Variants in DTNBP1 observed in about 807,000 individuals in gnomAD.
DTNBP1 encodes the protein dysbindin.
A neutral mutation model predicts 42.8 loss-of-function variants in DTNBP1; 35 were observed. That is an observed-to-expected ratio of 0.82 (90% confidence interval 0.63 to 1.09). DTNBP1 has a LOEUF of 1.09. Ranked by LOEUF, DTNBP1 falls within the 50% of genes least tolerant of loss-of-function variation. DTNBP1 has a pLI of 0.00. For synonymous variants in DTNBP1, 171 were observed against 162.2 expected (o/e 1.05, Z -0.41); for missense variants, 457 against 424.2 (o/e 1.08, Z -0.68).
intron 6 of DTNBP1, among the ~76,000 whole-genome samples, chr6:15,612,330 C>G (rs1272256864): frequency 3.3e-5 from 5 of 152,080 alleles, no homozygotes; most frequent in Non-Finnish European, 7.4e-5. Flanking sequence ...ACTGTATAAA[C>G]ATAATTTTTA....
chr6:15,635,035 T>A (rs1759928157), intron 4 of DTNBP1, among the ~76,000 whole-genome samples: 1 of 152,216 alleles, frequency 6.6e-6, no homozygotes, highest in Admixed American at 6.5e-5. Context: ...GACAACAGTT[T>A]GAAAAGTCTG....
rs76085230 is a variant in DTNBP1, at chr6:15,562,978, T to C, written c.512-29583A>G. On this transcript the variant is annotated intron_variant, in intron 7 of 9. Coordinates refer to ENST00000344537, the MANE Select transcript of DTNBP1 (RefSeq NM_032122.5). ...TGTTTCCATTGCTCATTAAAAGCCT[T>C]CCCTGAGACTACTGCTGTAGCAAGA... Among the ~76,000 whole-genome samples, 1,295 of 152,312 alleles carry C rather than the reference T, an allele frequency of 8.5e-3. 25 individuals are homozygous for C. The highest frequency in any genetic ancestry group is 0.029 in the African/African-American group (1,223 of 41,564).
At chr6:15,660,254 A>C (rs1036031808) in intron 1 of DTNBP1, 7 of 841,648 alleles carry the variant, frequency 8.3e-6, no homozygotes, top group Non-Finnish European at 1.7e-6. Context: ...TATAATAAAC[A>C]CATGTGTGCT....
chr6:15,592,995 G>C, intron 7 of DTNBP1, 64 bp downstream of exon 7: 1 of 1,418,664 alleles, frequency 7.0e-7, no homozygotes, highest in South Asian at 1.3e-5. Context: ...CATCATTGTC[G>C]AGAGAACATC....
chr6:15,588,989 G>C (rs1776190058), intron 7 of DTNBP1, among the ~76,000 whole-genome samples: 2 of 152,100 alleles, frequency 1.3e-5, no homozygotes, highest in African/African-American at 4.8e-5. Flanking sequence ...CAGTCCTTTA[G>C]CTCCCTGAGG....
chr6:15,553,408 A>T (rs938435695), intron 7 of DTNBP1, among the ~76,000 whole-genome samples: 2 of 151,842 alleles, frequency 1.3e-5, no homozygotes, highest in African/African-American at 4.8e-5. Flanking sequence ...TATTGTTTTA[A>T]ATTCAGATAA....
intron 6 of DTNBP1, among the ~76,000 whole-genome samples, chr6:15,614,112 C>G (rs1334309614): frequency 6.6e-6 from 1 of 152,152 alleles, no homozygotes; most frequent in Admixed American, 6.5e-5. Context: ...ACACATGACC[C>G]TGATTGAGAA....
intron 7 of DTNBP1, among the ~76,000 whole-genome samples, chr6:15,564,096 C>T (rs1290868581): frequency 6.6e-6 from 1 of 151,670 alleles, no homozygotes; most frequent in African/African-American, 2.4e-5. Flanking sequence ...ACTCTAGCCC[C>T]AAACTCCTCA....
intron 5 of DTNBP1, 108 bp from the exon 6 acceptor site, chr6:15,615,507 A>G (rs1430046195): frequency 1.4e-6 from 2 of 1,442,516 alleles, no homozygotes; most frequent in Non-Finnish European, 1.9e-6. Flanking sequence ...ATTGTTTTGC[A>G]TTTTTAATGT....
chr6:15,573,635 T>C lies in DTNBP1; in HGVS notation c.511+19424A>G, dbSNP rs971165627. On this transcript the variant is annotated intron_variant, in intron 7 of 9. Transcript: ENST00000344537. ...CTCAGCCTGGGCAACAAGAGCAAAG[T>C]CTGTCTCAGAAGAAAAAAAAAACAA... is the stretch of plus-strand genomic sequence containing the variant. 3.9e-5 allele frequency among the ~76,000 whole-genome samples: 6 copies of C among 152,070 alleles called. No individual in the cohort carries two copies. In the East Asian group the frequency reaches 1.2e-3, roughly 29 times the overall value.
chr6:15,526,510 G>C (rs1772406209), intron 8 of DTNBP1, among the ~76,000 whole-genome samples: 1 of 152,196 alleles, frequency 6.6e-6, no homozygotes, highest in Non-Finnish European at 1.5e-5. Flanking sequence ...TTGGGGAAAA[G>C]TATTATGGTT....
chr6:15,603,565 T>C (rs945865487), intron 6 of DTNBP1, among the ~76,000 whole-genome samples: 1 of 152,244 alleles, frequency 6.6e-6, no homozygotes. Context: ...AATCTTTGAT[T>C]AGATACCAGA....
intron 7 of DTNBP1, among the ~76,000 whole-genome samples, chr6:15,554,570 C>G (rs1299940612): frequency 6.6e-6 from 1 of 152,148 alleles, no homozygotes; most frequent in South Asian, 2.1e-4. Flanking sequence ...GGAAGCACAG[C>G]CTCAGGCCAG....
Position 15,637,737 on chromosome 6 carries a change from T to C in DTNBP1, c.222+7A>G. ...TGCCACGAGTATAAGATTAGTCAAT[T>C]CTTTACCTCTCCAGCACTTGCACAG... On this transcript the variant is annotated splice_region_variant and intron_variant, in intron 4 of 9. Transcript: ENST00000344537. 1.2e-6 allele frequency: 2 copies of C among 1,613,864 alleles called. No homozygotes were observed. The highest frequency in any genetic ancestry group is 1.7e-6 in the Non-Finnish European group (2 of 1,179,972).
At chr6:15,597,302 C>A (rs1776552866) in intron 6 of DTNBP1, among the ~76,000 whole-genome samples, 1 of 152,110 alleles carries the variant, frequency 6.6e-6, no homozygotes, top group African/African-American at 2.4e-5. Flanking sequence ...TAGGAAAGGC[C>A]TCCTGGAGAA....
Position 15,611,495 on chromosome 6 carries a change from T to C in DTNBP1, c.488+3772A>G, listed in dbSNP as rs547780075. Among the ~76,000 whole-genome samples, 3 of 152,328 alleles carry C rather than the reference T, an allele frequency of 2.0e-5. No homozygotes were observed. The East Asian group carries it at 5.8e-4, about 29-fold the overall frequency. On this transcript the variant is annotated intron_variant, in intron 6 of 9. Coordinates refer to ENST00000344537, the MANE Select transcript of DTNBP1 (RefSeq NM_032122.5). Reference sequence around the variant, plus strand: ...ATAAGGAGTCATTTCAACTTTCAAGTCTTATTATTTAAGAAATACAATTTG... The same window carrying C: ...ATAAGGAGTCATTTCAACTTTCAAGCCTTATTATTTAAGAAATACAATTTG...
At chr6:15,608,069 A>G (rs1758178895) in intron 6 of DTNBP1, among the ~76,000 whole-genome samples, 1 of 152,100 alleles carries the variant, frequency 6.6e-6, no homozygotes, top group Non-Finnish European at 1.5e-5. Flanking sequence ...AGGATTAGCT[A>G]TTTTACACCT....
chr6:15,620,024 C>G (rs547281753), intron 5 of DTNBP1, among the ~76,000 whole-genome samples: 1 of 151,426 alleles, frequency 6.6e-6, no homozygotes, highest in East Asian at 1.9e-4. Flanking sequence ...TGAATTTGGT[C>G]GGGGGGGAAT....
At chr6:15,649,579 G>A (rs1283782908) in intron 3 of DTNBP1, among the ~76,000 whole-genome samples, 1 of 152,096 alleles carries the variant, frequency 6.6e-6, no homozygotes. Context: ...TTTTGGGATT[G>A]GATGCACAAC....
Sources: allele counts gnomAD v4.1 joint callset (sites outside exome capture counted in the v4.1 genomes callset), GRCh38; gene constraint gnomAD v4.1.1; transcripts MANE v1.5; gene names NCBI Gene and HGNC (gene_info 2026-07-23, HGNC 2026-07-21).